The following PAK1 variants were observed in gnomAD, a reference collection of about 807,000 sequenced individuals.
The protein encoded by PAK1 is serine/threonine-protein kinase PAK 1.
In PAK1, 29 loss-of-function variants were observed where a neutral mutation model predicts 67.4. The observed-to-expected ratio is 0.43, with a 90% CI of 0.32 to 0.59. PAK1 has a LOEUF of 0.59. Among genes scored for constraint, PAK1 ranks in the 20% least tolerant of loss-of-function variants. PAK1 has a pLI of 0.07. For missense variants in PAK1, 337 were observed against 670.7 expected (o/e 0.50, Z 5.50); for synonymous variants, 223 against 237.4 (o/e 0.94, Z 0.56).
In PAK1 at chr11:77,322,563, G is replaced by A. The variant is rs1401551213; in HGVS notation, c.*711C>T. ...AAACCTCTCAATGTTATAAACAAGGGACAGGATAGGGGCAGCAGCCTAGGG... is the reference window on the plus strand; with the variant it reads ...AAACCTCTCAATGTTATAAACAAGGAACAGGATAGGGGCAGCAGCCTAGGG... On this transcript the variant is annotated 3_prime_UTR_variant, in exon 15 of 15. Transcript: ENST00000356341. The A allele has an allele frequency of 5.1e-6, 1 of 197,862 alleles. No homozygotes were observed. Among genetic ancestry groups the A allele is most frequent in the African/African-American group, 2.3e-5 (1 of 42,936 alleles). 12.3% of individuals were successfully genotyped at this position (197,862 alleles called of 1,614,324 possible). A position where few individuals can be genotyped will look rare whatever the true frequency, so the allele number is the denominator to read the frequency against.
At chr11:77,331,543 C>A (rs1941522799) in intron 14 of PAK1, among the ~76,000 whole-genome samples, 1 of 152,026 alleles carries the variant, frequency 6.6e-6, no homozygotes, top group Non-Finnish European at 1.5e-5. Flanking sequence ...GGACAAAAAA[C>A]CAAACACTGC....
At chr11:77,521,586 G>A in the PAK1 span, among the ~76,000 whole-genome samples, 22 of 151,896 alleles carry the variant, frequency 1.4e-4, no homozygotes, top group Non-Finnish European at 2.6e-4. Context: ...ATCATAAACC[G>A]AATGTTAAGG....
At chr11:77,443,084 G>C (rs1453995845) in intron 1 of PAK1, among the ~76,000 whole-genome samples, 1 of 152,124 alleles carries the variant, frequency 6.6e-6, no homozygotes, top group East Asian at 1.9e-4. Context: ...CAGCACTTTG[G>C]GAGGCCGAGG....
chr11:77,326,456 T>C (rs1939893840), intron 14 of PAK1, among the ~76,000 whole-genome samples: 1 of 152,178 alleles, frequency 6.6e-6, no homozygotes, highest in Non-Finnish European at 1.5e-5. Context: ...TCCAGCACTT[T>C]GGGAGACTGT....
chr11:77,443,495 C>T (rs1440034014), intron 1 of PAK1, among the ~76,000 whole-genome samples: 2 of 152,018 alleles, frequency 1.3e-5, no homozygotes, highest in African/African-American at 2.4e-5. Flanking sequence ...TACTGCCCCT[C>T]ATAATAACAA....
At chr11:77,505,233 G>A in the PAK1 span, among the ~76,000 whole-genome samples, 1 of 151,450 alleles carries the variant, frequency 6.6e-6, no homozygotes, top group Non-Finnish European at 1.5e-5. Context: ...TGTCCCCCAG[G>A]CTGGAGCGCA....
At chr11:77,349,806 G>T (rs114370663) in intron 8 of PAK1, among the ~76,000 whole-genome samples, 1 of 152,006 alleles carries the variant, frequency 6.6e-6, no homozygotes, top group East Asian at 1.9e-4. Context: ...TTTCAACTGG[G>T]GGGGTGACAG....
chr11:77,340,345 T>C (rs1323489218), intron 11 of PAK1, among the ~76,000 whole-genome samples: 2 of 152,194 alleles, frequency 1.3e-5, no homozygotes, highest in Non-Finnish European at 2.9e-5. Flanking sequence ...AAGGAATATA[T>C]TATAACGTGC....
At chr11:77,430,767 A>G (rs917684132) in intron 1 of PAK1, among the ~76,000 whole-genome samples, 2 of 152,198 alleles carry the variant, frequency 1.3e-5, no homozygotes, top group African/African-American at 4.8e-5. Context: ...AAGCGTTAGG[A>G]AAAGAATCTT....
At chr11:77,507,573 G>A in the PAK1 span, among the ~76,000 whole-genome samples, 1 of 152,048 alleles carries the variant, frequency 6.6e-6, no homozygotes, top group South Asian at 2.1e-4. Flanking sequence ...CTAGGCTGGA[G>A]TTACAGCAGT....
Position 77,322,914 on chromosome 11 carries a change from C to A in PAK1, c.*360G>T. The A allele has an allele frequency of 1.8e-6, 1 of 564,112 alleles. No individual in the cohort carries two copies. Among genetic ancestry groups the A allele is most frequent in the Non-Finnish European group, 3.1e-6 (1 of 320,288 alleles). The allele number at this position is 564,112 out of a possible 1,614,324, so 34.9% of individuals were successfully genotyped here. A position where few individuals can be genotyped will look rare whatever the true frequency, so the allele number is the denominator to read the frequency against. ...ATTACAAATTGATAATATTATCAAACCATAAATTTATATAGTCAAGAATTA... is the reference window on the plus strand; with the variant it reads ...ATTACAAATTGATAATATTATCAAAACATAAATTTATATAGTCAAGAATTA... On this transcript the variant is annotated 3_prime_UTR_variant, in exon 15 of 15. Transcript: ENST00000356341.
At chr11:77,497,770 T>C in the PAK1 span, among the ~76,000 whole-genome samples, 3 of 152,236 alleles carry the variant, frequency 2.0e-5, no homozygotes, top group African/African-American at 7.2e-5. Context: ...CTCTGATTCC[T>C]ACTGTCTTAG....
At chr11:77,394,474 C>G (rs1951576836) in intron 1 of PAK1, among the ~76,000 whole-genome samples, 1 of 151,786 alleles carries the variant, frequency 6.6e-6, no homozygotes, top group Non-Finnish European at 1.5e-5. Flanking sequence ...AGAACTGATC[C>G]CCCCACATCC....
At chr11:77,525,298 C>T in the PAK1 span, among the ~76,000 whole-genome samples, 12 of 151,718 alleles carry the variant, frequency 7.9e-5, no homozygotes, top group East Asian at 2.3e-3. Flanking sequence ...CCACTGTACT[C>T]CAGCCTGGGT....
At chr11:77,473,431 C>G (rs965254186) in intron 1 of PAK1, 121 bp downstream of exon 1, 33 of 152,412 alleles carry the variant, frequency 2.2e-4, no homozygotes, top group African/African-American at 7.9e-4. Flanking sequence ...CCCGCCCAGG[C>G]GCCCGGCCCC....
chr11:77,323,464 G>A (rs1591608417), intron 14 of PAK1, 104 bp from the exon 15 acceptor site: 7 of 798,094 alleles, frequency 8.8e-6, no homozygotes, highest in Non-Finnish European at 1.5e-5. Flanking sequence ...GGTGCTGTGT[G>A]GAAAGCTTCT....
chr11:77,355,453 T>A (rs1336792742), intron 7 of PAK1, among the ~76,000 whole-genome samples: 1 of 152,108 alleles, frequency 6.6e-6, no homozygotes, highest in Admixed American at 6.5e-5. Context: ...AAGTAAGCTA[T>A]CCACACTCTC....
the PAK1 span, among the ~76,000 whole-genome samples, chr11:77,527,663 C>G: frequency 6.6e-6 from 1 of 152,124 alleles, no homozygotes; most frequent in Non-Finnish European, 1.5e-5. Context: ...TGATATAGTC[C>G]TGGCTCAGCA....
chr11:77,437,248 T>C (rs1029174916), intron 1 of PAK1, among the ~76,000 whole-genome samples: 2 of 152,182 alleles, frequency 1.3e-5, no homozygotes, highest in Non-Finnish European at 2.9e-5. Context: ...TTAAATGAGA[T>C]AACATATAGG....
Sources: gnomAD v4.1 joint callset for allele counts (sites outside exome capture counted in the v4.1 genomes callset) on GRCh38, gnomAD v4.1.1 for gene constraint, MANE v1.5 for transcripts, NCBI Gene and HGNC (gene_info 2026-07-23, HGNC 2026-07-21) for gene names.